Variants in LRRC8D observed in about 807,000 individuals in gnomAD.
LRRC8D encodes the protein volume-regulated anion channel subunit LRRC8D.
A neutral mutation model predicts 55.8 loss-of-function variants in LRRC8D; 20 were observed. That is an observed-to-expected ratio of 0.36 (90% CI 0.25 to 0.52). The LOEUF is 0.52. Among genes scored for constraint, LRRC8D ranks in the 20% least tolerant of loss-of-function variants. The pLI, the probability that LRRC8D is intolerant of heterozygous loss-of-function variation, is 0.93. For synonymous variants in LRRC8D, 352 were observed against 377.0 expected (o/e 0.93, Z 0.77); for missense variants, 651 against 1,030.8 (o/e 0.63, Z 5.05).
chr1:89,887,265 T>C (rs1258653805), intron 2 of LRRC8D, among the ~76,000 whole-genome samples: 1 of 152,178 alleles, frequency 6.6e-6, no homozygotes, highest in Non-Finnish European at 1.5e-5. Flanking sequence ...ATTTTCGTCA[T>C]TATCACGCTT....
intron 1 of LRRC8D, among the ~76,000 whole-genome samples, chr1:89,827,539 G>T (rs1257030537): frequency 1.3e-5 from 2 of 152,130 alleles, no homozygotes; most frequent in Admixed American, 1.3e-4. Context: ...TGAGGACAGG[G>T]TCCTTGCTCA....
At chr1:89,860,525 C>T (rs1014260753) in intron 2 of LRRC8D, among the ~76,000 whole-genome samples, 6 of 151,508 alleles carry the variant, frequency 4.0e-5, no homozygotes, top group African/African-American at 1.5e-4. Context: ...TTTGTGAGGC[C>T]AGGGCGGGCA....
In LRRC8D at chr1:89,933,371, G is replaced by C. The variant is rs1178034870; in HGVS notation, c.303G>C (p.Gly101=). ...DGRTTNDISF[G]TSAVTPDIPL... is the part of the protein sequence containing the mutation. Reference sequence around the variant, plus strand: ...GGACAACAAACGACATTTCCTTTGGGACATCTGCTGTGACACCTGACATAC... The same window carrying C: ...GGACAACAAACGACATTTCCTTTGGCACATCTGCTGTGACACCTGACATAC... The change falls in exon 3 of 3, where the codon GGG becomes GGC. Residue 101 remains glycine (G), a synonymous_variant. Transcript: ENST00000337338. This position sits in a 1 kb window ranked among gnomAD's most constrained non-coding sequence, Gnocchi z 7.0. The C allele has an allele frequency of 6.2e-7, 1 of 1,613,986 alleles. No homozygotes were observed. The highest frequency in any genetic ancestry group is 8.5e-7 in the Non-Finnish European group (1 of 1,180,038).
intron 2 of LRRC8D, among the ~76,000 whole-genome samples, chr1:89,916,368 G>GT (rs1430986727): frequency 2.4e-4 from 37 of 152,228 alleles, no homozygotes; most frequent in African/African-American, 8.7e-4. Context: ...ACATTTGTTT[G>GT]TTTTATCAAA....
In LRRC8D at chr1:89,933,982, A is replaced by G. The variant is rs759877162; in HGVS notation, c.914A>G (p.Tyr305Cys). ...CATGTGGAAGATAGTGACTTGATCTATAAACTCTATGTGGTCCAAACAGTT... is the reference window on the plus strand; with the variant it reads ...CATGTGGAAGATAGTGACTTGATCTGTAAACTCTATGTGGTCCAAACAGTT... ...RAHVEDSDLI[Y>C]KLYVVQTVIK... Residue 305 changes from tyrosine (Y) to cysteine (C), a missense_variant, in exon 3 of 3, where the codon TAT becomes TGT. Tyr to Cys is a radical substitution (Grantham distance 194). This residue lies in a region of LRRC8D where 178 missense variants were observed against 374.9 expected (regional missense o/e 0.47). Coordinates refer to ENST00000337338, the MANE Select transcript of LRRC8D (RefSeq NM_001134479.2). This position sits in a 1 kb window ranked among gnomAD's most constrained non-coding sequence, Gnocchi z 7.0. 1 of 1,614,196 alleles carries G rather than the reference A, an allele frequency of 6.2e-7. No individual in the cohort carries two copies.
intron 1 of LRRC8D, among the ~76,000 whole-genome samples, chr1:89,834,161 A>T (rs573336233): frequency 1.3e-5 from 2 of 152,380 alleles, no homozygotes; most frequent in Non-Finnish European, 2.9e-5. Flanking sequence ...AATTTTCTTT[A>T]TAACAGAACA....
intron 2 of LRRC8D, among the ~76,000 whole-genome samples, chr1:89,893,943 C>T (rs1238886584): frequency 6.6e-6 from 1 of 152,196 alleles, no homozygotes; most frequent in African/African-American, 2.4e-5. Context: ...CTCATTAGAG[C>T]AATATATGCT....
At chr1:89,839,215 C>T (rs1215807396) in intron 1 of LRRC8D, among the ~76,000 whole-genome samples, 3 of 152,202 alleles carry the variant, frequency 2.0e-5, no homozygotes, top group Non-Finnish European at 2.9e-5. Flanking sequence ...CACCTCCCTG[C>T]GAAGGTAGTT....
chr1:89,886,434 A>T (rs1167138644), intron 2 of LRRC8D, among the ~76,000 whole-genome samples: 1 of 152,114 alleles, frequency 6.6e-6, no homozygotes. Flanking sequence ...ACTCAGTAAA[A>T]TTTTTCCTTA....
At chr1:89,892,672 A>G (rs1021502704) in intron 2 of LRRC8D, among the ~76,000 whole-genome samples, 3 of 152,106 alleles carry the variant, frequency 2.0e-5, no homozygotes, top group Non-Finnish European at 2.9e-5. Flanking sequence ...GCGCCCGCCA[A>G]CACGCCCAGC....
intron 2 of LRRC8D, among the ~76,000 whole-genome samples, chr1:89,858,606 A>G (rs1361714564): frequency 6.6e-6 from 1 of 152,232 alleles, no homozygotes; most frequent in African/African-American, 2.4e-5. Flanking sequence ...GGTGTTTTCA[A>G]GAAAGTTATA....
intron 1 of LRRC8D, among the ~76,000 whole-genome samples, chr1:89,839,136 C>T (rs1320132495): frequency 6.6e-6 from 1 of 152,172 alleles, no homozygotes; most frequent in Non-Finnish European, 1.5e-5. Flanking sequence ...GTTCCATTAC[C>T]TAAGGCTTTG....
chr1:89,838,948 C>T (rs184054701), intron 1 of LRRC8D, among the ~76,000 whole-genome samples: 7 of 152,184 alleles, frequency 4.6e-5, no homozygotes, highest in Non-Finnish European at 7.4e-5. Context: ...CAAAATCTGG[C>T]GAGGTGATGA....
intron 2 of LRRC8D, among the ~76,000 whole-genome samples, chr1:89,889,659 A>G (rs1294222039): frequency 6.6e-6 from 1 of 151,312 alleles, no homozygotes; most frequent in Non-Finnish European, 1.5e-5. Context: ...AGGCTGGTGG[A>G]TCACTTGAAG....
chr1:89,860,518 G>A (rs752833469), intron 2 of LRRC8D, among the ~76,000 whole-genome samples: 12 of 151,716 alleles, frequency 7.9e-5, no homozygotes, highest in Non-Finnish European at 1.3e-4. Flanking sequence ...CTAGCACTTT[G>A]TGAGGCCAGG....
Position 89,935,403 on chromosome 1 carries a change from A to G in LRRC8D, c.2335A>G (p.Thr779Ala). ...KQLFKCIKLR[T>A]LNLGQNCITS... ...ATTGTTTAAATGCATAAAGTTGAGG[A>G]CTTTGAATCTGGGACAGAACTGCAT... The change falls in exon 3 of 3, where the codon ACT (threonine) becomes GCT (alanine). Residue 779 changes from threonine (T) to alanine (A), a missense_variant. Thr to Ala is a moderately conservative substitution (Grantham distance 58, BLOSUM62 0). This residue lies in a region of LRRC8D where 338 missense variants were observed against 479.4 expected (regional missense o/e 0.71). Coordinates refer to ENST00000337338, the MANE Select transcript of LRRC8D (RefSeq NM_001134479.2). The G allele has an allele frequency of 6.2e-7, 1 of 1,614,252 alleles. No homozygotes were observed. Among genetic ancestry groups the G allele is most frequent in the South Asian group, 1.1e-5 (1 of 91,092 alleles).
chr1:89,902,194 C>T (rs558777412), intron 2 of LRRC8D, among the ~76,000 whole-genome samples: 147 of 152,382 alleles, frequency 9.6e-4, no homozygotes, highest in African/African-American at 3.4e-3. Context: ...TGAAGGCGTG[C>T]AGACCAGTCT....
intron 2 of LRRC8D, among the ~76,000 whole-genome samples, chr1:89,931,959 A>G (rs1188681824): frequency 6.6e-6 from 1 of 152,190 alleles, no homozygotes; most frequent in Non-Finnish European, 1.5e-5. Context: ...ACCTCTCAAG[A>G]AATGAAAATA....
intron 2 of LRRC8D, among the ~76,000 whole-genome samples, chr1:89,869,306 T>C (rs908137354): frequency 8.5e-5 from 13 of 152,140 alleles, no homozygotes; most frequent in African/African-American, 3.1e-4. Context: ...CTGATGGAGC[T>C]GAAAAACACA....
Sources: allele counts gnomAD v4.1 joint callset (sites outside exome capture counted in the v4.1 genomes callset), GRCh38; gene constraint gnomAD v4.1.1; regional missense constraint gnomAD v4.1.1; non-coding constraint Gnocchi (gnomAD v3.1); transcripts MANE v1.5; gene names NCBI Gene and HGNC (gene_info 2026-07-23, HGNC 2026-07-21).